TRIO: variants seen among roughly 807,000 people sequenced by gnomAD.
TRIO encodes trio Rho guanine nucleotide exchange factor.
A neutral mutation model predicts 351.9 loss-of-function variants in TRIO; 58 were observed. That is an observed-to-expected ratio of 0.16 (90% confidence interval 0.13 to 0.21). TRIO has a LOEUF of 0.21. Among genes scored for constraint, TRIO ranks in the 10% least tolerant of loss-of-function variants. The pLI is 1.00. For missense variants in TRIO, 3,201 were observed against 4,027.8 expected, an observed-to-expected ratio of 0.79 and a Z score of 5.56; for synonymous variants, 1,758 against 1,595.7, an observed-to-expected ratio of 1.10 and a Z score of -2.42.
chr5:14,369,013 C>CGCA, intron 17 of TRIO, 114 bp downstream of exon 17: 6 of 1,319,900 alleles, frequency 4.5e-6, no homozygotes, highest in Non-Finnish European at 6.2e-6. Flanking sequence ...AATCAGTTGC[C>CGCA]AGTCAAGCAG....
intron 1 of TRIO, among the ~76,000 whole-genome samples, chr5:14,149,574 C>T (rs763042361): frequency 2.9e-4 from 44 of 152,108 alleles, no homozygotes; most frequent in African/African-American, 8.0e-4. Context: ...AGGCTACGAG[C>T]GGGGGGCAGA....
At position 14,479,919 on chromosome 5, in the gene TRIO, G is replaced by T; in HGVS notation, c.6244G>T (p.Asp2082Tyr). Residue 2082 changes from aspartate to tyrosine, a missense_variant and splice_region_variant, in exon 43 of 57, where the codon GAC becomes TAC. Asp to Tyr is a radical substitution (Grantham distance 160). Around this residue, in one of 19 missense-constraint regions of TRIO, gnomAD observed 307 missense variants for 396.5 expected, o/e 0.77. Coordinates refer to ENST00000344204, the MANE Select transcript of TRIO (RefSeq NM_007118.4). ...TCTTTTCTCTCTCTTAAAACTGTAGGACTTAAAGCAGCGTCTTGGCCACAG... is the reference window on the plus strand; with the variant it reads ...TCTTTTCTCTCTCTTAAAACTGTAGTACTTAAAGCAGCGTCTTGGCCACAG... ...VSEYIDTFFE[D>Y]LKQRLGHRLQ... 1 of 1,613,890 alleles carries T rather than the reference G, an allele frequency of 6.2e-7. No individual in the cohort carries two copies. The highest frequency in any genetic ancestry group is 8.5e-7 in the Non-Finnish European group (1 of 1,179,854).
intron 1 of TRIO, among the ~76,000 whole-genome samples, chr5:14,265,120 T>G (rs1380894785): frequency 4.0e-5 from 6 of 151,898 alleles, no homozygotes; most frequent in Admixed American, 1.3e-4. Flanking sequence ...TCCCGCAGAT[T>G]ATTTTCCCAT....
At chr5:14,460,685 G>T (rs994890810) in intron 34 of TRIO, among the ~76,000 whole-genome samples, 4 of 152,096 alleles carry the variant, frequency 2.6e-5, no homozygotes, top group Admixed American at 2.0e-4. Context: ...TCCAATGTCC[G>T]CAGTACCAAT....
At chr5:14,176,041 T>A (rs753184367) in intron 1 of TRIO, among the ~76,000 whole-genome samples, 28 of 152,240 alleles carry the variant, frequency 1.8e-4, no homozygotes, top group Non-Finnish European at 3.4e-4. Context: ...GGGTGGCATA[T>A]GTCTGTAATT....
At position 14,406,004 on chromosome 5, in the gene TRIO, C is replaced by T. The variant is rs367874274; in HGVS notation, c.4859+14C>T. The T allele has an allele frequency of 4.3e-6, 7 of 1,611,374 alleles. No homozygotes were observed. Among genetic ancestry groups the T allele is most frequent in the African/African-American group, 1.3e-5 (1 of 74,858 alleles). ...GAAGGGAAGGAGGTGCGTGTCTGGGCGCCACTGGAGGTTTGTGGATGTGGG... is the reference window on the plus strand; with the variant it reads ...GAAGGGAAGGAGGTGCGTGTCTGGGTGCCACTGGAGGTTTGTGGATGTGGG... On this transcript the variant is annotated intron_variant, in intron 32 of 56. Transcript: ENST00000344204.
At chr5:14,431,285 C>T (rs1579635215) in intron 34 of TRIO, among the ~76,000 whole-genome samples, 1 of 152,322 alleles carries the variant, frequency 6.6e-6, no homozygotes, top group Non-Finnish European at 1.5e-5. Flanking sequence ...GTGGCTGGAA[C>T]ACCTCAGACT....
Position 14,387,393 on chromosome 5 carries a change from G to T in TRIO, c.3571-45G>T, listed in dbSNP as rs1376157904. 3.2e-6 allele frequency: 5 copies of T among 1,550,370 alleles called. No individual in the cohort carries two copies. In the African/African-American group the frequency reaches 6.8e-5, roughly 21 times the overall value. ...GCCACTGTGTTTGAGGTTTCTGGCA[G>T]TCGGATTCATTTGCCTCACAATACT... On this transcript the variant is annotated intron_variant, in intron 21 of 56. Coordinates refer to ENST00000344204, the MANE Select transcript of TRIO (RefSeq NM_007118.4).
At chr5:14,406,238 C>T (rs1025076001) in intron 32 of TRIO, 29 of 595,594 alleles carry the variant, frequency 4.9e-5, no homozygotes, top group Non-Finnish European at 7.8e-5. Context: ...TCACCCCGAG[C>T]ACCATACAGG....
chr5:14,291,289 G>A (rs576203931), intron 5 of TRIO, 61 bp downstream of exon 5: 32 of 1,542,992 alleles, frequency 2.1e-5, no homozygotes, highest in African/African-American at 1.9e-4. Context: ...TGGTGGGTTC[G>A]GGTGGAAGGA....
chr5:14,236,011 A>T (rs1330056980), intron 1 of TRIO, among the ~76,000 whole-genome samples: 1 of 150,984 alleles, frequency 6.6e-6, no homozygotes, highest in Non-Finnish European at 1.5e-5. Context: ...TTATAATTGT[A>T]GATTCAAGCA....
At chr5:14,166,663 C>T (rs572307460) in intron 1 of TRIO, among the ~76,000 whole-genome samples, 22 of 152,286 alleles carry the variant, frequency 1.4e-4, no homozygotes, top group African/African-American at 1.2e-4. Context: ...CAAGCGCTTG[C>T]TGCATCCCCA....
intron 11 of TRIO, among the ~76,000 whole-genome samples, chr5:14,340,912 C>T (rs1452143843): frequency 1.3e-5 from 2 of 152,198 alleles, no homozygotes; most frequent in Admixed American, 6.5e-5. Context: ...AATTTCAGCC[C>T]ATTTGCCCCT....
chr5:14,463,528 C>T (rs1247093083), intron 36 of TRIO, among the ~76,000 whole-genome samples: 2 of 152,150 alleles, frequency 1.3e-5, no homozygotes, highest in Non-Finnish European at 2.9e-5. Context: ...CTTACGTAGT[C>T]TAAAATTATT....
intron 1 of TRIO, among the ~76,000 whole-genome samples, chr5:14,236,129 C>T (rs141805963): frequency 2.0e-5 from 3 of 152,260 alleles, no homozygotes; most frequent in Non-Finnish European, 4.4e-5. Flanking sequence ...TCCAAACGAC[C>T]TGGAATTGTG....
chr5:14,308,335 T>C (rs564769777), intron 8 of TRIO, among the ~76,000 whole-genome samples: 1 of 147,410 alleles, frequency 6.8e-6, no homozygotes, highest in African/African-American at 2.5e-5. Flanking sequence ...CATCCATCCA[T>C]CCACCCACCC....
chr5:14,237,686 C>T (rs1246579751), intron 1 of TRIO, among the ~76,000 whole-genome samples: 2 of 152,210 alleles, frequency 1.3e-5, no homozygotes, highest in Non-Finnish European at 2.9e-5. Context: ...CTACATTGAT[C>T]AGCATGGTGT....
Position 14,497,000 on chromosome 5 carries a change from A to G in TRIO, c.8002A>G (p.Asn2668Asp). The change falls in exon 50 of 57, where the codon AAC becomes GAC. Residue 2668 changes from asparagine (N) to aspartate (D), a missense_variant. This residue lies in a region of TRIO where 1,089 missense variants were observed against 954.9 expected (regional missense o/e 1.14). Transcript: ENST00000344204. ...GYRKSREGLS[N>D]KVSVKLLNPN... ...TCGGAAGTCACGGGAAGGACTCAGC[A>G]ACAAGGTATCTGTGAAGGTGTGTTC... is the stretch of plus-strand genomic sequence containing the variant. The G allele has an allele frequency of 6.2e-7, 1 of 1,614,238 alleles. No homozygotes were observed. The highest frequency in any genetic ancestry group is 2.2e-5 in the East Asian group (1 of 44,880).
At chr5:14,352,228 A>G (rs1743202429) in intron 11 of TRIO, among the ~76,000 whole-genome samples, 1 of 152,056 alleles carries the variant, frequency 6.6e-6, no homozygotes, top group Non-Finnish European at 1.5e-5. Context: ...TCCCCTGGGC[A>G]CCTCTCAGCA....
Sources: allele counts gnomAD v4.1 joint callset (sites outside exome capture counted in the v4.1 genomes callset), GRCh38; gene constraint gnomAD v4.1.1; regional missense constraint gnomAD v4.1.1; transcripts MANE v1.5; gene names NCBI Gene and HGNC (gene_info 2026-07-23, HGNC 2026-07-21).